The following LANCL1 variants were observed in gnomAD, a reference collection of about 807,000 sequenced individuals.
LANCL1 encodes the protein LanC like glutathione S-transferase 1.
LANCL1 carries 50 observed loss-of-function variants against 50.6 expected under a neutral mutation model. The observed-to-expected ratio is 0.99, with a 90% CI of 0.79 to 1.25. The LOEUF (loss-of-function observed/expected upper bound fraction) is 1.25, where lower values mean the gene tolerates loss of function less well. Ranked by LOEUF, LANCL1 falls within the 50% of genes most tolerant of loss-of-function variation. The probability of loss-of-function intolerance (pLI) is 0.00; values close to 1 mark genes in which losing one functional copy is unlikely to be tolerated. For synonymous variants in LANCL1, 188 were observed against 178.6 expected (o/e 1.05, Z -0.42); for missense variants, 532 against 480.7 (o/e 1.11, Z -1.00).
intron 8 of LANCL1, among the ~76,000 whole-genome samples, chr2:210,435,964 T>A (rs544566500): frequency 7.1e-6 from 1 of 140,988 alleles, no homozygotes; most frequent in South Asian, 2.3e-4. Flanking sequence ...TACAATGGTG[T>A]GATCTTGGCT....
chr2:210,465,171 A>C (rs949632882), intron 3 of LANCL1, among the ~76,000 whole-genome samples: 2 of 152,218 alleles, frequency 1.3e-5, no homozygotes, highest in Non-Finnish European at 2.9e-5. Context: ...ATAACATGTG[A>C]TGTGAATTAT....
intron 4 of LANCL1, 68 bp downstream of exon 4, chr2:210,455,036 CTTT>C: frequency 1.5e-6 from 2 of 1,296,872 alleles, no homozygotes. Flanking sequence ...CTAGAATGTT[CTTT>C]TGTTAACACA....
chr2:210,437,003 A>G (rs1444470232), intron 7 of LANCL1, among the ~76,000 whole-genome samples: 1 of 152,204 alleles, frequency 6.6e-6, no homozygotes. Context: ...ATGATACACT[A>G]AAAGCTTATT....
At position 210,437,780 on chromosome 2, in the gene LANCL1, G is replaced by A. The variant is rs146829495; in HGVS notation, c.783C>T (p.Tyr261=). The change falls in exon 7 of 10, where the codon TAC becomes TAT. Residue 261 remains tyrosine, a synonymous_variant. Coordinates refer to ENST00000450366, the MANE Select transcript of LANCL1 (RefSeq NM_006055.3). ...CTCGATTATCACCTATACATGGAGG[G>A]TAATTGCCAGAAGGGAATTTCAGCT... is the stretch of plus-strand genomic sequence containing the variant. ...VCQLKFPSGN[Y]PPCIGDNRDL... is the part of the protein sequence containing the mutation. 3 of 1,613,276 alleles carry A rather than the reference G, an allele frequency of 1.9e-6. No homozygotes were observed.
In LANCL1 at chr2:210,476,551, G is replaced by A. The variant is rs1694385607; in HGVS notation, c.-17+69C>T. The A allele has an allele frequency of 5.7e-6, 8 of 1,398,352 alleles. No homozygotes were observed. In the South Asian group the frequency reaches 9.9e-5, roughly 17 times the overall value. The allele number at this position is 1,398,352 out of a possible 1,614,324, so 86.6% of individuals were successfully genotyped here. Reference sequence around the variant, plus strand: ...CGTCTCGGCGGTCCGAGTGGACCTCGGGCCCACTGCGGCCCAACTGCTAGG... The same window carrying A: ...CGTCTCGGCGGTCCGAGTGGACCTCAGGCCCACTGCGGCCCAACTGCTAGG... On this transcript the variant is annotated intron_variant, in intron 1 of 9. Transcript: ENST00000450366.
intron 3 of LANCL1, among the ~76,000 whole-genome samples, chr2:210,464,735 G>A (rs1333373249): frequency 2.0e-5 from 3 of 151,618 alleles, no homozygotes; most frequent in Non-Finnish European, 4.4e-5. Context: ...GGGAGGCTGA[G>A]GCGGGTGGAT....
At chr2:210,467,556 A>G (rs965297146) in intron 3 of LANCL1, among the ~76,000 whole-genome samples, 2 of 152,236 alleles carry the variant, frequency 1.3e-5, no homozygotes, top group African/African-American at 4.8e-5. Context: ...GTAAAAATAC[A>G]GAACAGATTA....
intron 3 of LANCL1, among the ~76,000 whole-genome samples, chr2:210,470,638 T>C (rs1193237551): frequency 1.3e-5 from 2 of 152,202 alleles, no homozygotes; most frequent in Non-Finnish European, 2.9e-5. Context: ...TGGAGCATTT[T>C]GGATTTCAGA....
In LANCL1 at chr2:210,433,800, A is replaced by G. The variant is rs996882128; in HGVS notation, c.*687T>C. The G allele has an allele frequency of 3.9e-5, 6 of 152,194 alleles. No homozygotes were observed. The highest frequency in any genetic ancestry group is 1.4e-4 in the African/African-American group (6 of 41,468). 9.4% of individuals were successfully genotyped at this position (152,194 alleles called of 1,614,324 possible). ...CCTTCAACTCAGAATTTTCACAATGATCATCATGTTTTATAAGTTTTTGAT... is the reference window on the plus strand; with the variant it reads ...CCTTCAACTCAGAATTTTCACAATGGTCATCATGTTTTATAAGTTTTTGAT... On this transcript the variant is annotated 3_prime_UTR_variant, in exon 10 of 10. Transcript: ENST00000450366.
intron 3 of LANCL1, among the ~76,000 whole-genome samples, chr2:210,469,839 A>G (rs971523989): frequency 2.0e-5 from 3 of 152,210 alleles, no homozygotes; most frequent in African/African-American, 7.2e-5. Context: ...ACTTAATTCA[A>G]ACTTGAAATC....
intron 3 of LANCL1, chr2:210,471,569 A>G (rs1468822497): frequency 1.3e-5 from 6 of 462,514 alleles, no homozygotes; most frequent in African/African-American, 7.9e-5. Flanking sequence ...GCTTCTGGAC[A>G]TATTTTATTC....
At chr2:210,449,651 T>G (rs529250492) in intron 4 of LANCL1, among the ~76,000 whole-genome samples, 6 of 152,104 alleles carry the variant, frequency 3.9e-5, no homozygotes, top group Non-Finnish European at 8.8e-5. Context: ...AAGCAAAGTC[T>G]CAGGATACAA....
At chr2:210,452,673 A>G (rs571253856) in intron 4 of LANCL1, among the ~76,000 whole-genome samples, 1 of 152,292 alleles carries the variant, frequency 6.6e-6, no homozygotes, top group South Asian at 2.1e-4. Context: ...AAGAATATGT[A>G]CTATAGGGAA....
At chr2:210,438,133 CTTTT>C (rs397869730) in intron 6 of LANCL1, among the ~76,000 whole-genome samples, 1 of 130,628 alleles carries the variant, frequency 7.7e-6, no homozygotes. Flanking sequence ...GTTTTTCTTT[CTTTT>C]TTTTTTTTTT....
chr2:210,467,778 T>C (rs1334757172), intron 3 of LANCL1, among the ~76,000 whole-genome samples: 2 of 152,170 alleles, frequency 1.3e-5, no homozygotes, highest in Non-Finnish European at 2.9e-5. Flanking sequence ...ATCTCTTCAC[T>C]AGAACCCTTT....
In LANCL1 at chr2:210,470,602, AT is replaced by A. The variant is rs1694196940; in HGVS notation, c.199+1356del. Among the ~76,000 whole-genome samples, 3 of 152,208 alleles carry A rather than the reference AT, an allele frequency of 2.0e-5. No homozygotes were observed. The South Asian group carries it at 6.2e-4, about 31-fold the overall frequency. On this transcript the variant is annotated intron_variant, in intron 3 of 9. Transcript: ENST00000450366. ...GATGAACATTCCCTTTGAGTGTCACATCAGAGCTTAAAAAGCTTCAAATTTT... is the reference window on the plus strand; with the variant it reads ...GATGAACATTCCCTTTGAGTGTCACACAGAGCTTAAAAAGCTTCAAATTTT...
intron 3 of LANCL1, among the ~76,000 whole-genome samples, chr2:210,471,242 G>T (rs1390423515): frequency 4.6e-5 from 7 of 151,612 alleles, no homozygotes; most frequent in Admixed American, 4.6e-4. Flanking sequence ...AGATGGGGTT[G>T]CACAGTGTTG....
chr2:210,454,626 A>G (rs532176565), intron 4 of LANCL1, among the ~76,000 whole-genome samples: 1 of 152,326 alleles, frequency 6.6e-6, no homozygotes, highest in African/African-American at 2.4e-5. Flanking sequence ...GTCTATTAGT[A>G]CAAACATTTA....
At chr2:210,442,680 G>A (rs900612088) in intron 4 of LANCL1, 2 of 152,228 alleles carry the variant, frequency 1.3e-5, no homozygotes, top group African/African-American at 4.8e-5. Context: ...ACAGGAATCT[G>A]AAGTAGCACC....
Sources: gnomAD v4.1 joint callset for allele counts (sites outside exome capture counted in the v4.1 genomes callset) on GRCh38, gnomAD v4.1.1 for gene constraint, MANE v1.5 for transcripts, NCBI Gene and HGNC (gene_info 2026-07-23, HGNC 2026-07-21) for gene names.